The following WDPCP variants were observed in gnomAD, a reference collection of about 807,000 sequenced individuals.
WDPCP encodes WD repeat-containing and planar cell polarity effector protein fritz homolog.
A neutral mutation model predicts 93.1 loss-of-function variants in WDPCP; 71 were observed. The ratio of observed to expected loss-of-function variants is 0.76; its 90% CI spans 0.63 to 0.93. The LOEUF is 0.93. Ranked by LOEUF, WDPCP falls within the 40% of genes least tolerant of loss-of-function variation. The probability of loss-of-function intolerance (pLI) is 0.00; values close to 1 mark genes in which losing one functional copy is unlikely to be tolerated. For synonymous variants in WDPCP, 315 were observed against 315.0 expected (o/e 1.00, Z 0.00); for missense variants, 844 against 887.4 (o/e 0.95, Z 0.62).
At chr2:63,587,277 C>A (rs966112968) in intron 1 of WDPCP, among the ~76,000 whole-genome samples, 3 of 152,008 alleles carry the variant, frequency 2.0e-5, no homozygotes, top group South Asian at 2.1e-4. Context: ...AATACAGGCA[C>A]CCCAATGTTA....
At chr2:63,731,299 T>C (rs1247959157) in intron 2 of WDPCP, among the ~76,000 whole-genome samples, 2 of 151,434 alleles carry the variant, frequency 1.3e-5, no homozygotes, top group Non-Finnish European at 2.9e-5. Context: ...AGAATAAGAC[T>C]GTTTATAAAC....
chr2:63,802,390 A>G (rs987512852), intron 2 of WDPCP, among the ~76,000 whole-genome samples: 1 of 150,782 alleles, frequency 6.6e-6, no homozygotes, highest in African/African-American at 2.4e-5. Context: ...GTTTACCAAA[A>G]TATTTCTTTT....
intron 14 of WDPCP, among the ~76,000 whole-genome samples, chr2:63,220,947 A>T (rs1677770954): frequency 6.6e-6 from 1 of 152,122 alleles, no homozygotes; most frequent in African/African-American, 2.4e-5. Flanking sequence ...AAGTGACAAC[A>T]TGTAGTATTT....
intron 9 of WDPCP, among the ~76,000 whole-genome samples, chr2:63,422,524 G>T (rs1695945680): frequency 6.6e-6 from 1 of 152,038 alleles, no homozygotes; most frequent in Admixed American, 6.6e-5. Context: ...ACAACCATTG[G>T]GAAACACATA....
At chr2:63,477,859 A>G (rs1326023253) in intron 6 of WDPCP, 1 of 152,202 alleles carries the variant, frequency 6.6e-6, no homozygotes, top group Non-Finnish European at 1.5e-5. Context: ...ACAAAAGGGT[A>G]GAAGCAGCAG....
intron 1 of WDPCP, among the ~76,000 whole-genome samples, chr2:63,583,695 A>G (rs1452896736): frequency 1.3e-5 from 2 of 151,640 alleles, no homozygotes; most frequent in Non-Finnish European, 1.5e-5. Context: ...AAAAAAAAAG[A>G]AAGAAATTTT....
rs540509850 is a variant in WDPCP, at chr2:63,725,837, T to C, written n.309-74999A>G. 2.1e-3 allele frequency among the ~76,000 whole-genome samples: 325 copies of C among 152,344 alleles called. 3 individuals carry two copies. Among genetic ancestry groups the C allele is most frequent in the African/African-American group, 7.4e-3 (309 of 41,584 alleles). ...TTTTTTCATATGCTTGTTGGCTGCG[T>C]GTATGCCTTCTTTTGAGAAGTGTCC... On this transcript the variant is annotated intron_variant and non_coding_transcript_variant, in intron 2 of 4. Coordinates refer to the WDPCP transcript ENST00000467687.
At chr2:63,586,840 C>T (rs1366092316) in intron 1 of WDPCP, among the ~76,000 whole-genome samples, 1 of 152,176 alleles carries the variant, frequency 6.6e-6, no homozygotes, top group Non-Finnish European at 1.5e-5. Flanking sequence ...AAAAGTCTCC[C>T]TTGTAAAATT....
chr2:63,433,290 T>C (rs538454266), intron 9 of WDPCP, among the ~76,000 whole-genome samples: 3 of 152,274 alleles, frequency 2.0e-5, no homozygotes, highest in East Asian at 1.9e-4. Context: ...AAGAGAGTAA[T>C]TGGTAATAAA....
At chr2:63,152,138 T>A (rs1671927253) in intron 17 of WDPCP, among the ~76,000 whole-genome samples, 1 of 152,058 alleles carries the variant, frequency 6.6e-6, no homozygotes, top group African/African-American at 2.4e-5. Flanking sequence ...AATAATTTAA[T>A]CATTATTATA....
chr2:63,724,179 C>A (rs1558895304), intron 2 of WDPCP, among the ~76,000 whole-genome samples: 1 of 152,152 alleles, frequency 6.6e-6, no homozygotes, highest in Non-Finnish European at 1.5e-5. Flanking sequence ...CATAGTTGTT[C>A]ATTGCTGTGC....
At chr2:63,284,105 G>A (rs1447259155) in intron 13 of WDPCP, among the ~76,000 whole-genome samples, 1 of 151,700 alleles carries the variant, frequency 6.6e-6, no homozygotes, top group Non-Finnish European at 1.5e-5. Context: ...TTAAAAACTA[G>A]GAGCAAAAAC....
intron 3 of WDPCP, among the ~76,000 whole-genome samples, chr2:63,624,333 T>C (rs1275151192): frequency 6.6e-6 from 1 of 151,974 alleles, no homozygotes; most frequent in East Asian, 1.9e-4. Flanking sequence ...ATAACTAAGA[T>C]TAGAGCAGAA....
At chr2:63,134,631 A>T (rs1670496878) in intron 17 of WDPCP, among the ~76,000 whole-genome samples, 1 of 152,238 alleles carries the variant, frequency 6.6e-6, no homozygotes, top group South Asian at 2.1e-4. Context: ...GGTATCAAAT[A>T]TGAAACTTGT....
At chr2:63,328,174 C>A (rs1361912128) in intron 12 of WDPCP, among the ~76,000 whole-genome samples, 1 of 134,688 alleles carries the variant, frequency 7.4e-6, no homozygotes, top group Non-Finnish European at 1.6e-5. Context: ...TTTGTAAACA[C>A]CCCAATAAGC....
chr2:63,312,486 G>A (rs1013401951), intron 13 of WDPCP, among the ~76,000 whole-genome samples: 1 of 152,184 alleles, frequency 6.6e-6, no homozygotes, highest in Non-Finnish European at 1.5e-5. Flanking sequence ...TTGTGCAAAA[G>A]ATTCAGGCAA....
intron 1 of WDPCP, among the ~76,000 whole-genome samples, chr2:63,508,859 G>C: frequency 6.6e-6 from 1 of 152,274 alleles, no homozygotes; most frequent in Non-Finnish European, 1.5e-5. Flanking sequence ...ATGGTAAAGG[G>C]TTGAATTCAT....
rs572227418 is a variant in WDPCP at position 63,287,470 on chromosome 2, T to G, written c.1812+25778A>C. On this transcript the variant is annotated intron_variant, in intron 13 of 17. Transcript: ENST00000272321. ...TTCATCCTTGCTTGCCCAGGAACAC[T>G]TTCCCATTCCTAGTATTCCTTTCCT... Among the ~76,000 whole-genome samples, 233 of 152,324 alleles carry G rather than the reference T, an allele frequency of 1.5e-3. 2 individuals carry two copies. The highest frequency in any genetic ancestry group is 5.2e-3 in the African/African-American group (216 of 41,586).
chr2:63,702,446 T>A (rs913011219), intron 2 of WDPCP, among the ~76,000 whole-genome samples: 4 of 152,134 alleles, frequency 2.6e-5, no homozygotes, highest in African/African-American at 9.7e-5. Flanking sequence ...TTTAAAAAAG[T>A]TTTAATTAAC....
Sources: allele counts gnomAD v4.1 joint callset (sites outside exome capture counted in the v4.1 genomes callset), GRCh38; gene constraint gnomAD v4.1.1; transcripts MANE v1.5; gene names NCBI Gene and HGNC (gene_info 2026-07-23, HGNC 2026-07-21).